Variants in ARF1 observed in about 807,000 individuals in gnomAD.
The protein encoded by ARF1 is ADP-ribosylation factor 1.
A neutral mutation model predicts 18.0 loss-of-function variants in ARF1; 1 was observed. The ratio of observed to expected loss-of-function variants is 0.06; its 90% confidence interval spans 0.02 to 0.26. The LOEUF is 0.26. Among genes scored for constraint, ARF1 ranks in the 10% least tolerant of loss-of-function variants. The probability of loss-of-function intolerance (pLI) is 1.00; values close to 1 mark genes in which losing one functional copy is unlikely to be tolerated. For synonymous variants in ARF1, 112 were observed against 96.3 expected (o/e 1.16, Z -0.95); for missense variants, 73 against 247.2 (o/e 0.30, Z 4.73).
chr1:228,090,063 G>T (rs1194221314), intron 1 of ARF1, among the ~76,000 whole-genome samples: 1 of 152,268 alleles, frequency 6.6e-6, no homozygotes, highest in Non-Finnish European at 1.5e-5. Flanking sequence ...CGGCCTCCAT[G>T]TGAGGTACAG....
rs2032768529 is a variant in ARF1 at position 228,097,014 on chromosome 1, G to C, written c.-37-64G>C. The C allele has an allele frequency of 1.4e-6, 2 of 1,430,048 alleles. No homozygotes were observed. Among genetic ancestry groups the C allele is most frequent in the African/African-American group, 1.4e-5 (1 of 69,576 alleles). The allele number at this position is 1,430,048 out of a possible 1,614,324, so 88.6% of individuals were successfully genotyped here. On this transcript the variant is annotated intron_variant, in intron 1 of 4. Coordinates refer to ENST00000272102, the MANE Select transcript of ARF1 (RefSeq NM_001658.4). This position sits in a 1 kb window ranked among gnomAD's most constrained non-coding sequence, Gnocchi z 8.1. ...GAGGCAGTGGTGCATCCCTGGGTGG[G>C]TGGGTTCTGAGCAACCACTGCTGGG... is the stretch of plus-strand genomic sequence containing the variant.
chr1:228,083,076 G>A (rs1347143690), intron 1 of ARF1: 1 of 152,496 alleles, frequency 6.6e-6, no homozygotes, highest in African/African-American at 2.4e-5. Context: ...AAGTCCGCTT[G>A]GACGCCGGGC....
At chr1:228,086,343 G>A (rs1019907719) in intron 1 of ARF1, among the ~76,000 whole-genome samples, 3 of 151,868 alleles carry the variant, frequency 2.0e-5, no homozygotes, top group Admixed American at 6.6e-5. Context: ...GTGATACCCC[G>A]ACTCTACTAA....
intron 1 of ARF1, among the ~76,000 whole-genome samples, chr1:228,093,568 C>T (rs1484577321): frequency 6.6e-6 from 1 of 151,604 alleles, no homozygotes; most frequent in Non-Finnish European, 1.5e-5. Context: ...CCTGGTTCTG[C>T]CATTCCATTG....
rs76865338 is a variant in ARF1, at chr1:228,098,766, C to G, written c.*753C>G. 3 of 152,834 alleles carry G rather than the reference C, an allele frequency of 2.0e-5. No homozygotes were observed. In the East Asian group the frequency reaches 5.8e-4, roughly 29 times the overall value. 9.5% of individuals were successfully genotyped at this position (152,834 alleles called of 1,614,324 possible). The stretch of plus-strand genomic sequence containing the variant: ...CAGCCTATGGGACGCAGGGCCCCAT[C>G]TGTCCCTCGGTCGCCGTGTGGCCAG... On this transcript the variant is annotated 3_prime_UTR_variant, in exon 5 of 5. Transcript: ENST00000272102.
Position 228,097,361 on chromosome 1 carries a change from G to A in ARF1, c.168G>A (p.Val56=). ...IPTIGFNVET[V]EYKNISFTVW... The stretch of plus-strand genomic sequence containing the variant: ...ACCCAGGCTTCAACGTGGAAACCGT[G>A]GAGTACAAGAACATCAGCTTCACTG... The change falls in exon 3 of 5, where the codon GTG becomes GTA. Residue 56 remains valine, a synonymous_variant. Coordinates refer to ENST00000272102, the MANE Select transcript of ARF1 (RefSeq NM_001658.4). This position sits in a 1 kb window ranked among gnomAD's most constrained non-coding sequence, Gnocchi z 8.1. 1.9e-6 allele frequency: 3 copies of A among 1,614,192 alleles called. No homozygotes were observed. The highest frequency in any genetic ancestry group is 2.5e-6 in the Non-Finnish European group (3 of 1,180,032).
At position 228,085,662 on chromosome 1, in the gene ARF1, A is replaced by ACAG. The variant is rs773232802; in HGVS notation, c.-38+2897_-38+2898insCAG. Among the ~76,000 whole-genome samples, 141 of 152,356 alleles carry ACAG rather than the reference A, an allele frequency of 9.3e-4. 2 individuals are homozygous for ACAG. The East Asian group carries it at 0.015, about 16-fold the overall frequency. On this transcript the variant is annotated intron_variant, in intron 1 of 4. Transcript: ENST00000272102. ...GATAACAGGAGAAGCCTAAATGACAAGAGAAGAGACAGGGAAAGCATAAAA... is the reference window on the plus strand; with the variant it reads ...GATAACAGGAGAAGCCTAAATGACAACAGGAGAAGAGACAGGGAAAGCATAAAA...
intron 1 of ARF1, among the ~76,000 whole-genome samples, chr1:228,095,118 C>T (rs893794872): frequency 6.6e-6 from 1 of 152,148 alleles, no homozygotes; most frequent in African/African-American, 2.4e-5. Flanking sequence ...TTTGAATTTT[C>T]CTTTTCAGCT....
intron 1 of ARF1, among the ~76,000 whole-genome samples, chr1:228,094,449 C>A (rs1462691459): frequency 6.6e-6 from 1 of 152,110 alleles, no homozygotes; most frequent in African/African-American, 2.4e-5. Context: ...TCTTTTCGTT[C>A]CATTTCATGC....
Position 228,097,840 on chromosome 1 carries a change from T to C in ARF1, c.385-12T>C, listed in dbSNP as rs2032802677. On this transcript the variant is annotated splice_polypyrimidine_tract_variant and intron_variant, in intron 4 of 4. Coordinates refer to ENST00000272102, the MANE Select transcript of ARF1 (RefSeq NM_001658.4). The surrounding 1 kb of genome is among the most constrained non-coding windows in gnomAD (Gnocchi z 8.1). ...GTGGACAGCCCTTCCCACCAACCCT[T>C]CCTTCCCCCAGGACCTCCCCAACGC... 2 of 1,611,354 alleles carry C rather than the reference T, an allele frequency of 1.2e-6. No individual in the cohort carries two copies. The highest frequency in any genetic ancestry group is 1.7e-6 in the Non-Finnish European group (2 of 1,178,310).
chr1:228,090,016 C>G (rs2032527748), intron 1 of ARF1, among the ~76,000 whole-genome samples: 1 of 152,218 alleles, frequency 6.6e-6, no homozygotes, highest in Admixed American at 6.5e-5. Context: ...CTGAGATGGG[C>G]ACTGTGGACT....
intron 1 of ARF1, chr1:228,083,637 C>T (rs1221681698): frequency 6.6e-6 from 1 of 152,276 alleles, no homozygotes; most frequent in Non-Finnish European, 1.5e-5. Context: ...GAATCTTTAA[C>T]CTACCTGAAT....
At chr1:228,093,624 T>TAAA (rs11420776) in intron 1 of ARF1, among the ~76,000 whole-genome samples, 5 of 138,796 alleles carry the variant, frequency 3.6e-5, no homozygotes, top group East Asian at 2.1e-4. Context: ...TTTGGTCTGT[T>TAAA]AAAAAAAAAA....
intron 1 of ARF1, chr1:228,083,554 A>G (rs1182642836): frequency 6.6e-6 from 1 of 152,306 alleles, no homozygotes; most frequent in Non-Finnish European, 1.5e-5. Context: ...GGGCCGGTCG[A>G]TCTTCGCTTT....
At chr1:228,096,029 T>G (rs966887562) in intron 1 of ARF1, among the ~76,000 whole-genome samples, 1 of 152,190 alleles carries the variant, frequency 6.6e-6, no homozygotes, top group East Asian at 1.9e-4. Flanking sequence ...CAGTGTTAAA[T>G]CAGACACGGG....
In ARF1 at chr1:228,098,135, C is replaced by A; in HGVS notation, c.*122C>A. ...GGTTTGGTCACCGTGTGCATCGCAC[C>A]GTGCTGTAAATGTGGCAGACGCAGC... is the stretch of plus-strand genomic sequence containing the variant. On this transcript the variant is annotated 3_prime_UTR_variant, in exon 5 of 5. Coordinates refer to ENST00000272102, the MANE Select transcript of ARF1 (RefSeq NM_001658.4). The A allele has an allele frequency of 8.2e-7, 1 of 1,216,300 alleles. No individual in the cohort carries two copies. The highest frequency in any genetic ancestry group is 1.1e-6 in the Non-Finnish European group (1 of 898,340). 75.3% of individuals were successfully genotyped at this position (1,216,300 alleles called of 1,614,324 possible). A position where few individuals can be genotyped will look rare whatever the true frequency, so the allele number is the denominator to read the frequency against.
Position 228,089,707 on chromosome 1 carries a change from GT to G in ARF1, c.-38+6945del, listed in dbSNP as rs1010929513. Among the ~76,000 whole-genome samples the G allele has an allele frequency of 2.0e-5, 3 of 151,902 alleles. No homozygotes were observed. Among genetic ancestry groups the G allele is most frequent in the Admixed American group, 2.0e-4 (3 of 15,250 alleles). ...GAGGAAGGAGCAACTTGCTCTCCCA[GT>G]TTATGACAGCAACACCAGCAGTGTG... On this transcript the variant is annotated intron_variant, in intron 1 of 4. Coordinates refer to ENST00000272102, the MANE Select transcript of ARF1 (RefSeq NM_001658.4). The surrounding 1 kb of genome is among the most constrained non-coding windows in gnomAD (Gnocchi z 4.1).
intron 1 of ARF1, among the ~76,000 whole-genome samples, chr1:228,083,803 A>G (rs1193970676): frequency 1.3e-5 from 2 of 152,002 alleles, no homozygotes; most frequent in Non-Finnish European, 2.9e-5. Flanking sequence ...TTCCGACGGC[A>G]CCTCCTGGCA....
chr1:228,093,816 T>C (rs1225777423), intron 1 of ARF1, among the ~76,000 whole-genome samples: 2 of 151,852 alleles, frequency 1.3e-5, no homozygotes, highest in Non-Finnish European at 2.9e-5. Flanking sequence ...TAGTCCCAGC[T>C]ACTCGGGAAG....
Sources: gnomAD v4.1 joint callset for allele counts (sites outside exome capture counted in the v4.1 genomes callset) on GRCh38, gnomAD v4.1.1 for gene constraint, Gnocchi (gnomAD v3.1) non-coding constraint, MANE v1.5 for transcripts, NCBI Gene and HGNC (gene_info 2026-07-23, HGNC 2026-07-21) for gene names.